NOL4: variants seen among roughly 807,000 people sequenced by gnomAD.
NOL4 encodes the protein cancer/testis antigen 125.
In NOL4, 17 loss-of-function variants were observed where a neutral mutation model predicts 75.9. That is an observed-to-expected ratio of 0.22 (90% CI 0.15 to 0.34). NOL4 has a LOEUF of 0.34. Ranked by LOEUF, NOL4 falls within the 10% of genes least tolerant of loss-of-function variation. NOL4 has a pLI of 1.00. For synonymous variants in NOL4, 292 were observed against 289.9 expected (o/e 1.01, Z -0.07); for missense variants, 614 against 793.5 (o/e 0.77, Z 2.72).
chr18:33,993,573 GAAC>G (rs1339804315), intron 6 of NOL4, among the ~76,000 whole-genome samples: 7 of 151,914 alleles, frequency 4.6e-5, no homozygotes, highest in Admixed American at 1.3e-4. Context: ...ATATGCAAAG[GAAC>G]AGGAAAGTAT....
intron 8 of NOL4, among the ~76,000 whole-genome samples, chr18:33,951,319 CT>C (rs1234517432): frequency 6.6e-6 from 1 of 152,034 alleles, no homozygotes; most frequent in Non-Finnish European, 1.5e-5. Context: ...CTCTTGAAGA[CT>C]TTTTTTCTTA....
chr18:33,863,979 A>G (rs2063308363), intron 10 of NOL4, among the ~76,000 whole-genome samples: 1 of 152,172 alleles, frequency 6.6e-6, no homozygotes, highest in African/African-American at 2.4e-5. Context: ...GGAAGCCACA[A>G]AGGCTTGGGG....
chr18:34,220,709 T>C (rs980897596), intron 1 of NOL4, among the ~76,000 whole-genome samples: 26 of 152,092 alleles, frequency 1.7e-4, no homozygotes, highest in Admixed American at 1.4e-3. Context: ...TAAAGAGCAA[T>C]AGACGAGTTC....
chr18:33,969,758 CAAA>C (rs5823932), intron 6 of NOL4, among the ~76,000 whole-genome samples: 3 of 140,910 alleles, frequency 2.1e-5, no homozygotes, highest in Non-Finnish European at 1.5e-5. Context: ...AGTGCTTGTC[CAAA>C]AAAAAAAAAA....
chr18:34,153,054 G>C (rs955223446), intron 1 of NOL4, among the ~76,000 whole-genome samples: 1 of 151,798 alleles, frequency 6.6e-6, no homozygotes, highest in Non-Finnish European at 1.5e-5. Flanking sequence ...AAAATTAAGA[G>C]TTAGTTTTGC....
Position 33,976,582 on chromosome 18 carries a change from T to C in NOL4, c.1057-18164A>G, listed in dbSNP as rs77840499. 3.2e-4 allele frequency among the ~76,000 whole-genome samples: 48 copies of C among 152,304 alleles called. No homozygotes were observed. The East Asian group carries it at 7.3e-3, about 23-fold the overall frequency. On this transcript the variant is annotated intron_variant, in intron 6 of 10. Transcript: ENST00000261592. ...AAGGTAAAAATATCAGATCTCAGGA[T>C]GCCTATTGTGAATATCATTTAGATT...
intron 2 of NOL4, among the ~76,000 whole-genome samples, chr18:34,108,841 T>C (rs976750055): frequency 1.3e-5 from 2 of 152,088 alleles, no homozygotes; most frequent in Non-Finnish European, 2.9e-5. Flanking sequence ...AGAAACTGAA[T>C]GAACCTAATG....
intron 5 of NOL4, among the ~76,000 whole-genome samples, chr18:34,036,752 C>T (rs145525425): frequency 2.0e-5 from 3 of 152,098 alleles, no homozygotes; most frequent in Non-Finnish European, 2.9e-5. Context: ...GGTGAATCCC[C>T]GTCTCTACTA....
chr18:34,031,495 C>T (rs1195315998), intron 5 of NOL4, among the ~76,000 whole-genome samples: 1 of 152,114 alleles, frequency 6.6e-6, no homozygotes, highest in Non-Finnish European at 1.5e-5. Context: ...AGCAATAATC[C>T]ACTAACTTCT....
intron 1 of NOL4, among the ~76,000 whole-genome samples, chr18:34,156,213 T>A (rs2146126284): frequency 1.3e-5 from 2 of 152,252 alleles, no homozygotes; most frequent in South Asian, 4.1e-4. Context: ...AGCAGCAACA[T>A]CATAATCTAA....
At chr18:33,963,152 A>G (rs2070289954) in intron 6 of NOL4, among the ~76,000 whole-genome samples, 1 of 152,152 alleles carries the variant, frequency 6.6e-6, no homozygotes, top group Admixed American at 6.6e-5. Context: ...TGTGAAGCCA[A>G]GTTACTTAAT....
chr18:34,223,450 G>A lies in NOL4; in HGVS notation c.-197C>T. On this transcript the variant is annotated 5_prime_UTR_variant, in exon 1 of 11. Transcript: ENST00000261592. ...TGGGCACCAGCAATCAATGCCCCGT[G>A]CTACCAAGTCTGGTCCATTCGTAAT... 1 of 666,584 alleles carries A rather than the reference G, an allele frequency of 1.5e-6. No individual in the cohort carries two copies. Among genetic ancestry groups the A allele is most frequent in the Non-Finnish European group, 2.5e-6 (1 of 398,008 alleles). 41.3% of individuals were successfully genotyped at this position (666,584 alleles called of 1,614,324 possible). A position where few individuals can be genotyped will look rare whatever the true frequency, so the allele number is the denominator to read the frequency against.
At chr18:34,144,542 A>G (rs925686167) in intron 1 of NOL4, among the ~76,000 whole-genome samples, 1 of 152,136 alleles carries the variant, frequency 6.6e-6, no homozygotes, top group Non-Finnish European at 1.5e-5. Flanking sequence ...AAATTTGTAA[A>G]TCGAGTTAGT....
At position 34,223,271 on chromosome 18, in the gene NOL4, G is replaced by T. The variant is rs1412026531; in HGVS notation, c.-18C>A. The T allele has an allele frequency of 1.2e-6, 2 of 1,610,688 alleles. No homozygotes were observed. Among genetic ancestry groups the T allele is most frequent in the Middle Eastern group, 1.7e-4 (1 of 6,032 alleles). ...CTCTCCATGTTCCCCGCGCTCGGCC[G>T]CTGGCCGGATGCTCCCAGCGCACTT... On this transcript the variant is annotated 5_prime_UTR_variant, in exon 1 of 11. Coordinates refer to ENST00000261592, the MANE Select transcript of NOL4 (RefSeq NM_003787.5).
chr18:34,081,998 A>G (rs2078030981), intron 5 of NOL4, among the ~76,000 whole-genome samples: 1 of 152,158 alleles, frequency 6.6e-6, no homozygotes, highest in Non-Finnish European at 1.5e-5. Context: ...TGCAGAAACA[A>G]AGAGGATACA....
At chr18:33,998,583 T>A (rs2073461011) in intron 6 of NOL4, among the ~76,000 whole-genome samples, 1 of 152,068 alleles carries the variant, frequency 6.6e-6, no homozygotes, top group Non-Finnish European at 1.5e-5. Context: ...ATGAATAAAC[T>A]GACTTGAAAA....
intron 5 of NOL4, among the ~76,000 whole-genome samples, chr18:34,079,265 G>A (rs988038320): frequency 1.3e-5 from 2 of 152,020 alleles, no homozygotes; most frequent in Admixed American, 6.6e-5. Context: ...CGCATCATAT[G>A]TCTATCATTG....
intron 9 of NOL4, among the ~76,000 whole-genome samples, chr18:33,926,054 C>A (rs1352912125): frequency 2.0e-5 from 3 of 151,764 alleles, no homozygotes; most frequent in Non-Finnish European, 2.9e-5. Flanking sequence ...TGTGTACATG[C>A]CTACATATGG....
At chr18:33,856,333 G>C (rs552210043) in intron 10 of NOL4, among the ~76,000 whole-genome samples, 2 of 152,094 alleles carry the variant, frequency 1.3e-5, no homozygotes, top group African/African-American at 4.8e-5. Context: ...TTCAAGTAAA[G>C]TAACCTCTAA....
Sources: gnomAD v4.1 joint callset for allele counts (sites outside exome capture counted in the v4.1 genomes callset) on GRCh38, gnomAD v4.1.1 for gene constraint, MANE v1.5 for transcripts, NCBI Gene and HGNC (gene_info 2026-07-23, HGNC 2026-07-21) for gene names.